ROS1: variants seen among roughly 807,000 people sequenced by gnomAD.
ROS1 encodes proto-oncogene tyrosine-protein kinase ROS.
A neutral mutation model predicts 273.5 loss-of-function variants in ROS1; 263 were observed. The observed-to-expected ratio is 0.96, with a 90% CI of 0.87 to 1.06. The LOEUF is 1.06. Ranked by LOEUF, ROS1 falls within the 50% of genes least tolerant of loss-of-function variation. The probability of loss-of-function intolerance (pLI) is 0.00; values close to 1 mark genes in which losing one functional copy is unlikely to be tolerated. For missense variants in ROS1, 2,833 were observed against 2,751.1 expected (o/e 1.03, Z -0.67); for synonymous variants, 1,008 against 954.1 (o/e 1.06, Z -1.04).
At chr6:117,356,497 G>A in intron 26 of ROS1, 132 bp downstream of exon 26, 1 of 752,894 alleles carries the variant, frequency 1.3e-6, no homozygotes, top group Non-Finnish European at 2.0e-6. Context: ...AATTCTGCAA[G>A]AACACTTGGC....
At chr6:117,291,259 A>G (rs964599710) in intron 43 of ROS1, among the ~76,000 whole-genome samples, 2 of 152,092 alleles carry the variant, frequency 1.3e-5, no homozygotes, top group Non-Finnish European at 2.9e-5. Context: ...CTAAATTGTT[A>G]TAGTTTGATG....
intron 15 of ROS1, 116 bp from the exon 16 acceptor site, chr6:117,385,977 T>G: frequency 2.6e-6 from 2 of 764,466 alleles, no homozygotes; most frequent in South Asian, 3.4e-5. Context: ...CTGACACATA[T>G]TCACTAGAAC....
chr6:117,396,400 C>T (rs988327524), intron 8 of ROS1, 136 bp from the exon 9 acceptor site: 55 of 668,806 alleles, frequency 8.2e-5, no homozygotes, highest in South Asian at 5.4e-4. Flanking sequence ...GGTGCCACTG[C>T]TCAGCACCGA....
intron 27 of ROS1, among the ~76,000 whole-genome samples, chr6:117,349,603 T>C (rs1778646252): frequency 6.6e-6 from 1 of 152,050 alleles, no homozygotes; most frequent in African/African-American, 2.4e-5. Context: ...ATCTACCATA[T>C]TTGTTATTAT....
At chr6:117,420,418 T>G (rs1775661633) in intron 1 of ROS1, among the ~76,000 whole-genome samples, 1 of 118,854 alleles carries the variant, frequency 8.4e-6, no homozygotes, top group African/African-American at 3.1e-5. Flanking sequence ...CTTCCTACCC[T>G]AATAAATGTT....
chr6:117,396,212 T>C lies in ROS1; in HGVS notation c.859A>G (p.Ser287Gly), dbSNP rs899835248. Residue 287 changes from serine (S) to glycine (G), a missense_variant, in exon 9 of 44, where the codon AGT becomes GGT. Physicochemically the swap from Ser to Gly is moderately conservative, Grantham distance 56. Coordinates refer to ENST00000368507, the MANE Select transcript of ROS1 (RefSeq NM_001378902.1). ...EVGEGPEAES[S>G]ITTSSSAVQQ... Reference sequence around the variant, plus strand: ...CCTGCTGAAGATGAAGTGGTAATACTAGATTCTGCTTCTGGACCCTCACCA... The same window carrying C: ...CCTGCTGAAGATGAAGTGGTAATACCAGATTCTGCTTCTGGACCCTCACCA... 2.5e-6 allele frequency: 4 copies of C among 1,613,780 alleles called. No individual in the cohort carries two copies. The highest frequency in any genetic ancestry group is 2.5e-6 in the Non-Finnish European group (3 of 1,179,704).
chr6:117,295,023 A>G (rs775586938), intron 43 of ROS1, among the ~76,000 whole-genome samples: 1 of 152,234 alleles, frequency 6.6e-6, no homozygotes, highest in Non-Finnish European at 1.5e-5. Context: ...CAAAAGGAAC[A>G]AAACTCAAAG....
intron 17 of ROS1, among the ~76,000 whole-genome samples, chr6:117,380,094 A>C (rs1412666585): frequency 6.6e-6 from 1 of 152,156 alleles, no homozygotes; most frequent in Non-Finnish European, 1.5e-5. Flanking sequence ...AATATTTTTC[A>C]AATAAGCTAA....
chr6:117,379,143 A>G lies in ROS1; in HGVS notation c.2498T>C (p.Leu833Ser), dbSNP rs1418777494. The G allele has an allele frequency of 6.2e-6, 10 of 1,610,462 alleles. No homozygotes were observed. The South Asian group carries it at 9.9e-5, about 16-fold the overall frequency. Reference sequence around the variant, plus strand: ...ATACAGGAGCCCATCACTGAGGTCTAAAGTTAGAGCAATTACCTAAGTAGA... The same window carrying G: ...ATACAGGAGCCCATCACTGAGGTCTGAAGTTAGAGCAATTACCTAAGTAGA... Reference protein sequence around the residue: ...FSGKKVIALTLDLSDGLLYWL... With the variant: ...FSGKKVIALTSDLSDGLLYWL... Residue 833 changes from leucine to serine, a missense_variant, in exon 18 of 44, where the codon TTA (leucine) becomes TCA (serine). Transcript: ENST00000368507.
chr6:117,357,682 G>A (rs1352882780), intron 25 of ROS1, 122 bp downstream of exon 25: 8 of 651,414 alleles, frequency 1.2e-5, no homozygotes, highest in Non-Finnish European at 2.1e-5. Flanking sequence ...AATATAGTGG[G>A]CCAAGAGCCC....
At position 117,313,636 on chromosome 6, in the gene ROS1, A is replaced by G. The variant is rs9489122; in HGVS notation, c.6118-2519T>C. ...TGATTCAATATTCCATTTTGTAGAT[A>G]AAGAAACTGAGTCCTCAGAACAAAG... On this transcript the variant is annotated intron_variant, in intron 39 of 43. Transcript: ENST00000368507. 9.4e-3 allele frequency among the ~76,000 whole-genome samples: 1,431 copies of G among 152,180 alleles called. 20 individuals are homozygous for G. The highest frequency in any genetic ancestry group is 0.049 in the East Asian group (253 of 5,168).
chr6:117,393,620 G>A (rs1259155527), intron 11 of ROS1, among the ~76,000 whole-genome samples: 6 of 152,092 alleles, frequency 3.9e-5, no homozygotes, highest in Non-Finnish European at 8.8e-5. Flanking sequence ...CCACAGCAAT[G>A]GCTGTTGCTT....
At chr6:117,338,930 C>G (rs983827330) in intron 31 of ROS1, among the ~76,000 whole-genome samples, 1 of 152,082 alleles carries the variant, frequency 6.6e-6, no homozygotes, top group Non-Finnish European at 1.5e-5. Flanking sequence ...ACTTCAGAAA[C>G]TTATGGTTCT....
chr6:117,300,938 A>T (rs2128536452), intron 43 of ROS1, 36 bp downstream of exon 43: 4 of 1,508,280 alleles, frequency 2.7e-6, no homozygotes, highest in Middle Eastern at 1.9e-4. Flanking sequence ...TTCACAGTGC[A>T]GCGAAAACTA....
chr6:117,396,225 T>C lies in ROS1; in HGVS notation c.846A>G (p.Pro282=). 1 of 1,613,834 alleles carries C rather than the reference T, an allele frequency of 6.2e-7. No homozygotes were observed. The highest frequency in any genetic ancestry group is 8.5e-7 in the Non-Finnish European group (1 of 1,179,774). The change falls in exon 9 of 44, where the codon CCA becomes CCG. Residue 282 remains proline (P), a synonymous_variant. Coordinates refer to ENST00000368507, the MANE Select transcript of ROS1 (RefSeq NM_001378902.1). The part of the protein sequence containing the change: ...IAAVNEVGEG[P]EAESSITTSS... ...AAGTGGTAATACTAGATTCTGCTTC[T>C]GGACCCTCACCAACTTCATTTACTG...
At chr6:117,403,430 C>T (rs1327380418) in intron 6 of ROS1, among the ~76,000 whole-genome samples, 153 bp from the exon 7 acceptor site, 1 of 152,182 alleles carries the variant, frequency 6.6e-6, no homozygotes, top group African/African-American at 2.4e-5. Flanking sequence ...CAGATATCAG[C>T]GTGCAGAATT....
In ROS1 at chr6:117,333,048, C is replaced by T. The variant is rs535983168; in HGVS notation, c.5231-3602G>A. ...AAAAGCCCTCCAAAAAAAATCAACA[C>T]ATCCAGGAGCCGTTTTTTTTAAAAA... On this transcript the variant is annotated intron_variant, in intron 32 of 43. Transcript: ENST00000368507. 4.0e-5 allele frequency among the ~76,000 whole-genome samples: 6 copies of T among 151,600 alleles called. No individual in the cohort carries two copies. The South Asian group carries it at 1.0e-3, about 26-fold the overall frequency.
chr6:117,395,638 C>T (rs1229723913), intron 9 of ROS1, among the ~76,000 whole-genome samples: 3 of 152,098 alleles, frequency 2.0e-5, no homozygotes, highest in African/African-American at 4.8e-5. Flanking sequence ...ATATATCATA[C>T]AGTAAGTATT....
intron 42 of ROS1, among the ~76,000 whole-genome samples, chr6:117,302,074 C>T (rs1285000516): frequency 6.6e-6 from 1 of 152,022 alleles, no homozygotes. Flanking sequence ...AAGAGAAAGG[C>T]AAAATTCATC....
Sources: gnomAD v4.1 joint callset for allele counts (sites outside exome capture counted in the v4.1 genomes callset) on GRCh38, gnomAD v4.1.1 for gene constraint, MANE v1.5 for transcripts, NCBI Gene and HGNC (gene_info 2026-07-23, HGNC 2026-07-21) for gene names.